NPAS3: variants seen among roughly 807,000 people sequenced by gnomAD.
NPAS3 encodes neuronal PAS domain-containing protein 3.
A neutral mutation model predicts 73.1 loss-of-function variants in NPAS3; 14 were observed. That is an observed-to-expected ratio of 0.19 (90% CI 0.13 to 0.30). NPAS3 has a LOEUF of 0.30. NPAS3 is among the 10% of genes least tolerant of loss of function. NPAS3 has a pLI of 1.00. For synonymous variants in NPAS3, 620 were observed against 541.5 expected, an observed-to-expected ratio of 1.14 and a Z score of -2.01; for missense variants, 1,096 against 1,250.0, an observed-to-expected ratio of 0.88 and a Z score of 1.86.
intron 3 of NPAS3, among the ~76,000 whole-genome samples, chr14:33,258,560 A>G (rs1314951658): frequency 1.3e-5 from 2 of 152,164 alleles, no homozygotes; most frequent in Non-Finnish European, 2.9e-5. Flanking sequence ...AAAGCTGAAG[A>G]AAAGAATTCT....
At chr14:33,650,191 T>A (rs1315406623) in intron 5 of NPAS3, among the ~76,000 whole-genome samples, 1 of 152,194 alleles carries the variant, frequency 6.6e-6, no homozygotes, top group South Asian at 2.1e-4. Flanking sequence ...TCTTGCGCAT[T>A]GTAACAGCAG....
intron 9 of NPAS3, among the ~76,000 whole-genome samples, chr14:33,793,185 G>T (rs1176648384): frequency 6.6e-6 from 1 of 152,058 alleles, no homozygotes; most frequent in Non-Finnish European, 1.5e-5. Context: ...CCTTCATTTG[G>T]GGCCATATTT....
intron 4 of NPAS3, among the ~76,000 whole-genome samples, chr14:33,448,651 T>G (rs1158128104): frequency 6.6e-6 from 1 of 152,244 alleles, no homozygotes; most frequent in East Asian, 1.9e-4. Context: ...AGGAAGAACT[T>G]CATTTGCACC....
intron 4 of NPAS3, among the ~76,000 whole-genome samples, chr14:33,420,504 G>GT (rs78438641): frequency 5.9e-4 from 88 of 148,822 alleles, no homozygotes; most frequent in African/African-American, 1.6e-3. Context: ...TTTTCCCTGT[G>GT]TTTTTTTTTT....
chr14:33,092,673 C>A (rs1003025438), intron 2 of NPAS3, among the ~76,000 whole-genome samples: 1 of 152,114 alleles, frequency 6.6e-6, no homozygotes, highest in African/African-American at 2.4e-5. Context: ...CAATCCTAAG[C>A]CAAAAGGACA....
rs1410335132 is a variant in NPAS3 at position 33,464,508 on chromosome 14, A to C, written c.469-95613A>C. ...GACCCATAGCAGAGAGCCTGAAGCC[A>C]CTGCTTCTCTATGAAGTTTTTTGAG... On this transcript the variant is annotated intron_variant, in intron 4 of 11. Coordinates refer to ENST00000356141, the Ensembl canonical transcript of NPAS3. Among the ~76,000 whole-genome samples the C allele has an allele frequency of 2.0e-5, 3 of 152,214 alleles. No homozygotes were observed. The East Asian group carries it at 5.8e-4, about 29-fold the overall frequency.
intron 3 of NPAS3, among the ~76,000 whole-genome samples, chr14:33,266,510 A>T (rs2040824203): frequency 6.6e-6 from 1 of 152,190 alleles, no homozygotes; most frequent in Non-Finnish European, 1.5e-5. Flanking sequence ...TCAGGAACTT[A>T]CATAGATGAA....
chr14:33,332,221 T>A (rs140945232), intron 3 of NPAS3, among the ~76,000 whole-genome samples: 189 of 152,328 alleles, frequency 1.2e-3, no homozygotes, highest in Non-Finnish European at 2.1e-3. Context: ...ACTAAATTTC[T>A]TAGTGTGGTT....
At chr14:33,573,241 G>A (rs746730746) in intron 5 of NPAS3, among the ~76,000 whole-genome samples, 1 of 152,086 alleles carries the variant, frequency 6.6e-6, no homozygotes, top group Non-Finnish European at 1.5e-5. Context: ...ATGCATGCCA[G>A]CATTCAGCTA....
chr14:33,758,827 T>G (rs2062195819), intron 7 of NPAS3, among the ~76,000 whole-genome samples: 1 of 152,212 alleles, frequency 6.6e-6, no homozygotes, highest in East Asian at 1.9e-4. Flanking sequence ...ACCATCTAAT[T>G]TCCTTGTTGA....
intron 1 of NPAS3, among the ~76,000 whole-genome samples, chr14:33,033,732 C>T (rs937517673): frequency 2.0e-5 from 3 of 152,072 alleles, no homozygotes; most frequent in Non-Finnish European, 4.4e-5. Flanking sequence ...TATCAGTTAC[C>T]TCTCATCACT....
At chr14:33,801,174 A>G (rs2063707627), downstream of NPAS3, 1 of 1,527,898 alleles carries the variant, frequency 6.5e-7, no homozygotes, top group African/African-American at 1.4e-5. Flanking sequence ...ATTTTCGTTT[A>G]GACCTTTAAT....
At chr14:33,144,187 A>G (rs2044158169) in intron 2 of NPAS3, among the ~76,000 whole-genome samples, 1 of 152,132 alleles carries the variant, frequency 6.6e-6, no homozygotes, top group South Asian at 2.1e-4. Flanking sequence ...GAAATTCAGA[A>G]TTTTCTAATG....
At chr14:33,380,753 C>T (rs2046511597) in intron 4 of NPAS3, among the ~76,000 whole-genome samples, 1 of 152,146 alleles carries the variant, frequency 6.6e-6, no homozygotes, top group South Asian at 2.1e-4. Context: ...GGACTGCCCT[C>T]ACAGAGGAGC....
chr14:33,351,269 A>C (rs1039327585), intron 3 of NPAS3, among the ~76,000 whole-genome samples: 1 of 152,200 alleles, frequency 6.6e-6, no homozygotes, highest in Non-Finnish European at 1.5e-5. Flanking sequence ...GCAGCCGTGC[A>C]GCACCACACC....
At chr14:33,396,244 T>C (rs2047217717) in intron 4 of NPAS3, among the ~76,000 whole-genome samples, 1 of 152,172 alleles carries the variant, frequency 6.6e-6, no homozygotes. Flanking sequence ...CATTGCTGAA[T>C]CAAGTACAAG....
intron 2 of NPAS3, among the ~76,000 whole-genome samples, chr14:33,104,625 T>G (rs1436720684): frequency 2.0e-5 from 3 of 152,198 alleles, no homozygotes; most frequent in Non-Finnish European, 4.4e-5. Flanking sequence ...ACTGACGTAG[T>G]GTTGGATGCC....
chr14:32,952,424 T>C (rs2036519824), intron 1 of NPAS3, among the ~76,000 whole-genome samples: 1 of 152,070 alleles, frequency 6.6e-6, no homozygotes, highest in Non-Finnish European at 1.5e-5. Flanking sequence ...GTGAACTTTA[T>C]TTGAATTTTT....
intron 5 of NPAS3, among the ~76,000 whole-genome samples, chr14:33,629,025 A>G (rs2058300708): frequency 6.6e-6 from 1 of 152,024 alleles, no homozygotes; most frequent in African/African-American, 2.4e-5. Flanking sequence ...AGGTCAGGAG[A>G]TCGAGACCAT....
Sources: gnomAD v4.1 joint callset for allele counts (sites outside exome capture counted in the v4.1 genomes callset) on GRCh38, gnomAD v4.1.1 for gene constraint, MANE v1.5 for transcripts, NCBI Gene and HGNC (gene_info 2026-07-23, HGNC 2026-07-21) for gene names.